The following SLC22A23 variants were observed in gnomAD, a reference collection of about 807,000 sequenced individuals.
SLC22A23 encodes the protein ion transporter protein.
In SLC22A23, 26 loss-of-function variants were observed where a neutral mutation model predicts 61.0. The observed-to-expected ratio is 0.43, with a 90% CI of 0.31 to 0.59. The LOEUF is 0.59. Among genes scored for constraint, SLC22A23 ranks in the 20% least tolerant of loss-of-function variants. The pLI is 0.11. For missense variants in SLC22A23, 796 were observed against 934.7 expected, an observed-to-expected ratio of 0.85 and a Z score of 1.94; for synonymous variants, 430 against 413.9, an observed-to-expected ratio of 1.04 and a Z score of -0.47.
At chr6:3,384,301 G>A in intron 3 of SLC22A23, among the ~76,000 whole-genome samples, 1 of 152,106 alleles carries the variant, frequency 6.6e-6, no homozygotes, top group Non-Finnish European at 1.5e-5. Flanking sequence ...TATAAAAATA[G>A]GTTTTAATCT....
At chr6:3,391,508 A>G (rs1245412256) in intron 3 of SLC22A23, among the ~76,000 whole-genome samples, 1 of 152,254 alleles carries the variant, frequency 6.6e-6, no homozygotes, top group African/African-American at 2.4e-5. Flanking sequence ...ACAGATCTTC[A>G]TCGTGTTCCA....
At chr6:3,355,301 T>A (rs1299017860) in intron 3 of SLC22A23, among the ~76,000 whole-genome samples, 2 of 151,706 alleles carry the variant, frequency 1.3e-5, no homozygotes, top group Admixed American at 1.3e-4. Context: ...AAATCAGAAA[T>A]AATATCAGTA....
rs1319166857 is a variant in SLC22A23 at position 3,273,169 on chromosome 6, C to T, written c.1947G>A (p.Gln649=). The part of the protein sequence containing the change: ...QPLLPHKKGE[Q]PLLLTNAELK... ...GCTCGGCGTTGGTGAGCAGCAGTGG[C>T]TGCTCCCCCTTCTTGTGCGGCAGCA... is the stretch of plus-strand genomic sequence containing the variant. Residue 649 remains glutamine, a synonymous_variant, in exon 10 of 10, where the codon CAG becomes CAA. Transcript: ENST00000406686. 6.2e-7 allele frequency: 1 copy of T among 1,612,674 alleles called. No homozygotes were observed. Among genetic ancestry groups the T allele is most frequent in the Non-Finnish European group, 8.5e-7 (1 of 1,179,844 alleles).
At chr6:3,350,849 G>A (rs1208912451) in intron 3 of SLC22A23, among the ~76,000 whole-genome samples, 1 of 152,034 alleles carries the variant, frequency 6.6e-6, no homozygotes, top group African/African-American at 2.4e-5. Flanking sequence ...GTGGTAATGG[G>A]GAGCTGGTCT....
chr6:3,395,033 GC>G (rs902383799), intron 3 of SLC22A23, among the ~76,000 whole-genome samples: 12 of 152,226 alleles, frequency 7.9e-5, no homozygotes, highest in African/African-American at 2.9e-4. Context: ...CCAAGGTGGG[GC>G]TGGGCTCCAG....
At chr6:3,422,022 T>C (rs936738523) in intron 1 of SLC22A23, among the ~76,000 whole-genome samples, 16 of 152,188 alleles carry the variant, frequency 1.1e-4, no homozygotes, top group African/African-American at 3.4e-4. Context: ...GAAATTGTTC[T>C]ATCAGCAAAC....
chr6:3,395,451 T>C (rs1006996144), intron 3 of SLC22A23, among the ~76,000 whole-genome samples: 3 of 152,332 alleles, frequency 2.0e-5, no homozygotes, highest in African/African-American at 7.2e-5. Flanking sequence ...AGAAGAGTAA[T>C]AGGAAAACAG....
intron 3 of SLC22A23, among the ~76,000 whole-genome samples, chr6:3,408,866 C>T (rs1056869754): frequency 1.6e-4 from 24 of 152,204 alleles, no homozygotes; most frequent in Admixed American, 3.3e-4. Flanking sequence ...CTGACAAGGA[C>T]GGCTGCCCAG....
chr6:3,324,809 C>A lies in SLC22A23; in HGVS notation c.914-807G>T, dbSNP rs145121689. Reference sequence around the variant, plus strand: ...AACCAAAAACAGTGTCTATTTTCAACAAATGACCACGGCCCCTCTTATTTG... The same window carrying A: ...AACCAAAAACAGTGTCTATTTTCAAAAAATGACCACGGCCCCTCTTATTTG... On this transcript the variant is annotated intron_variant, in intron 3 of 9. Coordinates refer to ENST00000406686, the MANE Select transcript of SLC22A23 (RefSeq NM_015482.2). The surrounding 1 kb of genome is among the most constrained non-coding windows in gnomAD (Gnocchi z 4.3). Among the ~76,000 whole-genome samples the A allele has an allele frequency of 6.0e-4, 91 of 152,342 alleles. No individual in the cohort carries two copies. Among genetic ancestry groups the A allele is most frequent in the African/African-American group, 2.1e-3 (88 of 41,570 alleles).
intron 9 of SLC22A23, among the ~76,000 whole-genome samples, chr6:3,282,974 A>G (rs1759612114): frequency 6.6e-6 from 1 of 152,100 alleles, no homozygotes; most frequent in Non-Finnish European, 1.5e-5. Context: ...GGAGGTATGA[A>G]ATGGCCGCAG....
Position 3,397,658 on chromosome 6 carries a change from A to G in SLC22A23, c.913+12530T>C, listed in dbSNP as rs554065789. ...CTGAATAAATAGCTTATTATCATCC[A>G]TTGTTGTCAAGGCACTATCATGATA... is the stretch of plus-strand genomic sequence containing the variant. On this transcript the variant is annotated intron_variant, in intron 3 of 9. Coordinates refer to ENST00000406686, the MANE Select transcript of SLC22A23 (RefSeq NM_015482.2). 7.1e-4 allele frequency among the ~76,000 whole-genome samples: 108 copies of G among 152,276 alleles called. 1 individual carries two copies. In the Middle Eastern group the frequency reaches 0.01, roughly 14 times the overall value.
chr6:3,456,769 C>G lies in SLC22A23; in HGVS notation c.-210G>C. ...GCGCCCCGGGCGCTGCGGCCCCGCT[C>G]GGGCGCCGGGCAGAGGCGGGCAGAG... On this transcript the variant is annotated 5_prime_UTR_variant, in exon 1 of 10. Transcript: ENST00000406686. The surrounding 1 kb of genome is among the most constrained non-coding windows in gnomAD (Gnocchi z 7.1). 1 of 167,832 alleles carries G rather than the reference C, an allele frequency of 6.0e-6. No homozygotes were observed. The highest frequency in any genetic ancestry group is 1.2e-5 in the Non-Finnish European group (1 of 85,478). The allele number at this position is 167,832 out of a possible 1,614,324, so 10.4% of individuals were successfully genotyped here.
rs1223817177 is a variant in SLC22A23 at position 3,269,434 on chromosome 6, G to A, written c.*3621C>T. On this transcript the variant is annotated 3_prime_UTR_variant, in exon 10 of 10. Transcript: ENST00000406686. Reference sequence around the variant, plus strand: ...CCTTCGGTGGATACCATCAGGTGAGGTAGGGAAGACATTCCAGAGGAAATC... The same window carrying A: ...CCTTCGGTGGATACCATCAGGTGAGATAGGGAAGACATTCCAGAGGAAATC... 1 of 152,608 alleles carries A rather than the reference G, an allele frequency of 6.6e-6. No homozygotes were observed. Among genetic ancestry groups the A allele is most frequent in the African/African-American group, 2.4e-5 (1 of 41,458 alleles). The allele number at this position is 152,608 out of a possible 1,614,324, so 9.5% of individuals were successfully genotyped here.
intron 1 of SLC22A23, among the ~76,000 whole-genome samples, chr6:3,445,962 C>T (rs908999213): frequency 3.3e-5 from 5 of 152,086 alleles, no homozygotes; most frequent in South Asian, 2.1e-4. Flanking sequence ...TTCTGTCTCT[C>T]GGGCCTGTGG....
At chr6:3,416,323 A>G (rs1008336612) in intron 1 of SLC22A23, among the ~76,000 whole-genome samples, 3 of 152,260 alleles carry the variant, frequency 2.0e-5, no homozygotes, top group Non-Finnish European at 2.9e-5. Flanking sequence ...ATCCCAAAAC[A>G]TTCCCCAAAC....
At position 3,318,843 on chromosome 6, in the gene SLC22A23, A is replaced by C. The variant is rs1373121362; in HGVS notation, c.1082+4991T>G. Among the ~76,000 whole-genome samples, 1 of 152,026 alleles carries C rather than the reference A, an allele frequency of 6.6e-6. No homozygotes were observed. Among genetic ancestry groups the C allele is most frequent in the African/African-American group, 2.4e-5 (1 of 41,362 alleles). ...TGTTTCTTAAAGCTCTGGCCTCCCC[A>C]TCTCAGGAAACAGACCCAGCTGCCA... is the stretch of plus-strand genomic sequence containing the variant. On this transcript the variant is annotated intron_variant, in intron 4 of 9. Coordinates refer to ENST00000406686, the MANE Select transcript of SLC22A23 (RefSeq NM_015482.2). This position sits in a 1 kb window ranked among gnomAD's most constrained non-coding sequence, Gnocchi z 4.3.
rs531419945 is a variant in SLC22A23 at position 3,430,230 on chromosome 6, C to T, written c.655-14375G>A. Among the ~76,000 whole-genome samples, 9 of 152,310 alleles carry T rather than the reference C, an allele frequency of 5.9e-5. No homozygotes were observed. In the East Asian group the frequency reaches 1.2e-3, roughly 20 times the overall value. ...TATTCGCGAGAAAATCTCCAAGGTG[C>T]AGGCCTCTCTATCTGACATCTCGTC... On this transcript the variant is annotated intron_variant, in intron 1 of 9. Transcript: ENST00000406686.
intron 3 of SLC22A23, among the ~76,000 whole-genome samples, chr6:3,351,648 G>A (rs1228482494): frequency 6.8e-6 from 1 of 147,988 alleles, no homozygotes; most frequent in African/African-American, 2.5e-5. Flanking sequence ...CCTGGCTTTC[G>A]CCTAAGAACA....
chr6:3,339,015 A>G (rs1367681079), intron 3 of SLC22A23, among the ~76,000 whole-genome samples: 1 of 152,206 alleles, frequency 6.6e-6, no homozygotes, highest in Non-Finnish European at 1.5e-5. Flanking sequence ...GAGGTGCCAG[A>G]TGAAGAGAGG....
Sources: gnomAD v4.1 joint callset for allele counts (sites outside exome capture counted in the v4.1 genomes callset) on GRCh38, gnomAD v4.1.1 for gene constraint, Gnocchi (gnomAD v3.1) non-coding constraint, MANE v1.5 for transcripts, NCBI Gene and HGNC (gene_info 2026-07-23, HGNC 2026-07-21) for gene names.